CCDC3: variants seen among roughly 807,000 people sequenced by gnomAD.
CCDC3 encodes coiled-coil domain-containing protein 3.
CCDC3 carries 24 observed loss-of-function variants against 21.4 expected under a neutral mutation model. The ratio of observed to expected loss-of-function variants is 1.12; its 90% CI spans 0.81 to 1.58. CCDC3 has a LOEUF of 1.58. CCDC3 is among the 40% of genes most tolerant of loss of function. The probability of loss-of-function intolerance (pLI) is 0.00; values close to 1 mark genes in which losing one functional copy is unlikely to be tolerated. For synonymous variants in CCDC3, 186 were observed against 166.0 expected, an observed-to-expected ratio of 1.12 and a Z score of -0.93; for missense variants, 425 against 360.9, an observed-to-expected ratio of 1.18 and a Z score of -1.44.
chr10:13,057,348 C>A (rs1266051532), intron 4 of CCDC3, among the ~76,000 whole-genome samples: 1 of 151,954 alleles, frequency 6.6e-6, no homozygotes, highest in Non-Finnish European at 1.5e-5. Context: ...TTTCATGATT[C>A]CTTCCAGCTG....
At chr10:12,973,495 C>T (rs1466781101) in intron 2 of CCDC3, among the ~76,000 whole-genome samples, 5 of 152,186 alleles carry the variant, frequency 3.3e-5, no homozygotes, top group South Asian at 2.1e-4. Flanking sequence ...TGGTCCTTGC[C>T]GGTCTGTTCA....
intron 2 of CCDC3, among the ~76,000 whole-genome samples, chr10:12,910,594 C>CAA (rs61243830): frequency 0.018 from 1,636 of 90,786 alleles, 24 homozygotes; most frequent in African/African-American, 0.026. Flanking sequence ...CTAGTCAGAG[C>CAA]AAAAAAAAAA....
chr10:12,982,831 T>C (rs549672453), intron 2 of CCDC3, among the ~76,000 whole-genome samples: 3 of 136,670 alleles, frequency 2.2e-5, no homozygotes, highest in African/African-American at 8.2e-5. Flanking sequence ...CATACCTCTA[T>C]GCAGGGCACA....
At chr10:12,986,033 G>T (rs555577620) in intron 2 of CCDC3, among the ~76,000 whole-genome samples, 1 of 152,232 alleles carries the variant, frequency 6.6e-6, no homozygotes, top group Non-Finnish European at 1.5e-5. Context: ...CCGCCACCAC[G>T]CCCAGTTAAC....
At chr10:12,996,804 T>C (rs922539096) in intron 2 of CCDC3, among the ~76,000 whole-genome samples, 1 of 152,096 alleles carries the variant, frequency 6.6e-6, no homozygotes, top group Non-Finnish European at 1.5e-5. Flanking sequence ...CTGGAGGCCA[T>C]TATCCTAAGC....
chr10:12,925,701 A>C (rs1834526236), intron 2 of CCDC3, among the ~76,000 whole-genome samples: 1 of 151,680 alleles, frequency 6.6e-6, no homozygotes, highest in Non-Finnish European at 1.5e-5. Flanking sequence ...AGGTGTGCAC[A>C]CAGCCATTGT....
intron 2 of CCDC3, among the ~76,000 whole-genome samples, chr10:12,963,526 A>G (rs1053096864): frequency 5.4e-5 from 8 of 148,130 alleles, no homozygotes; most frequent in Non-Finnish European, 1.0e-4. Flanking sequence ...GTTATTATGT[A>G]TGTTGCCTAA....
At chr10:12,977,292 AGGAAAGGAAAGG>A (rs1230660675) in intron 2 of CCDC3, among the ~76,000 whole-genome samples, 2 of 152,208 alleles carry the variant, frequency 1.3e-5, no homozygotes, top group African/African-American at 4.8e-5. Flanking sequence ...AGGAAAAGAA[AGGAAAGGAAAGG>A]GGAAAGGAAA....
At chr10:12,991,263 T>C (rs1449585797) in intron 2 of CCDC3, among the ~76,000 whole-genome samples, 1 of 152,198 alleles carries the variant, frequency 6.6e-6, no homozygotes. Context: ...GTTCATTTTT[T>C]CCCTCCGTGC....
At chr10:12,969,176 T>C (rs1467805817) in intron 2 of CCDC3, among the ~76,000 whole-genome samples, 1 of 152,042 alleles carries the variant, frequency 6.6e-6, no homozygotes, top group Admixed American at 6.6e-5. Context: ...AAAGACGACA[T>C]ACAAATGGCC....
At chr10:13,051,588 G>C in intron 4 of CCDC3, among the ~76,000 whole-genome samples, 1 of 152,280 alleles carries the variant, frequency 6.6e-6, no homozygotes, top group South Asian at 2.1e-4. Flanking sequence ...TTCAAAATCA[G>C]AGTCACACTG....
intron 2 of CCDC3, among the ~76,000 whole-genome samples, chr10:12,953,393 G>A (rs562303378): frequency 5.5e-4 from 84 of 152,170 alleles, no homozygotes; most frequent in African/African-American, 1.5e-3. Context: ...ACCCCCTCCC[G>A]CTCCACTAGC....
chr10:12,987,714 C>T (rs776635714), intron 2 of CCDC3, among the ~76,000 whole-genome samples: 2 of 152,174 alleles, frequency 1.3e-5, no homozygotes, highest in Non-Finnish European at 2.9e-5. Context: ...CAGCACAAAG[C>T]ATGACATTGG....
chr10:12,928,188 G>A (rs1834576395), intron 2 of CCDC3, among the ~76,000 whole-genome samples: 1 of 152,144 alleles, frequency 6.6e-6, no homozygotes, highest in South Asian at 2.1e-4. Context: ...GGCATCTGAG[G>A]TTAGTCAGCC....
intron 5 of CCDC3, among the ~76,000 whole-genome samples, chr10:13,037,353 G>A (rs538610501): frequency 7.2e-5 from 11 of 151,974 alleles, no homozygotes; most frequent in South Asian, 2.1e-4. Context: ...ACCTTATTAC[G>A]TAACCATAAT....
chr10:13,051,261 C>G (rs1423222576), intron 4 of CCDC3, among the ~76,000 whole-genome samples: 1 of 152,140 alleles, frequency 6.6e-6, no homozygotes, highest in Non-Finnish European at 1.5e-5. Flanking sequence ...TACTTCTCAC[C>G]CAGCAAGGCC....
At chr10:13,077,843 T>G (rs1232775800) in intron 3 of CCDC3, among the ~76,000 whole-genome samples, 1 of 152,218 alleles carries the variant, frequency 6.6e-6, no homozygotes, top group Admixed American at 6.5e-5. Context: ...CCTTACACCT[T>G]GTACAAAAAT....
chr10:13,090,095 T>A (rs536133024), intron 3 of CCDC3, among the ~76,000 whole-genome samples: 1 of 145,724 alleles, frequency 6.9e-6, no homozygotes, highest in Non-Finnish European at 1.5e-5. Flanking sequence ...TTCTTTCTTT[T>A]TTTTTTTTTT....
At chr10:12,956,676 T>C (rs1371035348) in intron 2 of CCDC3, among the ~76,000 whole-genome samples, 2 of 152,224 alleles carry the variant, frequency 1.3e-5, no homozygotes, top group East Asian at 1.9e-4. Context: ...GACTAAACTT[T>C]AGTCAAGCTC....
Sources: gnomAD v4.1 joint callset for allele counts (sites outside exome capture counted in the v4.1 genomes callset) on GRCh38, gnomAD v4.1.1 for gene constraint, MANE v1.5 for transcripts, NCBI Gene and HGNC (gene_info 2026-07-23, HGNC 2026-07-21) for gene names.